RNF220: variants seen among roughly 807,000 people sequenced by gnomAD.
RNF220 encodes ring finger protein 220.
In RNF220, 7 loss-of-function variants were observed where a neutral mutation model predicts 67.1. The ratio of observed to expected loss-of-function variants is 0.10; its 90% CI spans 0.06 to 0.20. The LOEUF (loss-of-function observed/expected upper bound fraction) is 0.20. Among genes scored for constraint, RNF220 ranks in the 10% least tolerant of loss-of-function variants. RNF220 has a pLI of 1.00. For missense variants in RNF220, 565 were observed against 740.3 expected (o/e 0.76, Z 2.75); for synonymous variants, 270 against 283.2 (o/e 0.95, Z 0.47).
At position 44,589,506 on chromosome 1, in the gene RNF220, C is replaced by T. The variant is rs551149767; in HGVS notation, c.626-24659C>T. On this transcript the variant is annotated intron_variant, in intron 2 of 14. Transcript: ENST00000361799. Reference sequence around the variant, plus strand: ...ACGGGCGCCTGTAGTCCCAGCTACTCGGGAGGCTGAGGCGGGAGAATGGCG... The same window carrying T: ...ACGGGCGCCTGTAGTCCCAGCTACTTGGGAGGCTGAGGCGGGAGAATGGCG... 1.1e-4 allele frequency among the ~76,000 whole-genome samples: 17 copies of T among 150,158 alleles called. No individual in the cohort carries two copies. In the East Asian group the frequency reaches 1.2e-3, roughly 10 times the overall value.
At chr1:44,529,628 G>A (rs963678290) in intron 2 of RNF220, among the ~76,000 whole-genome samples, 1 of 151,926 alleles carries the variant, frequency 6.6e-6, no homozygotes, top group African/African-American at 2.4e-5. Context: ...CACCTGCCTG[G>A]GCCTCCCAAA....
At chr1:44,503,071 C>T (rs972566358) in intron 2 of RNF220, among the ~76,000 whole-genome samples, 2 of 152,026 alleles carry the variant, frequency 1.3e-5, no homozygotes, top group African/African-American at 4.8e-5. Flanking sequence ...CAGTGGCTCA[C>T]ACCTATAATC....
intron 2 of RNF220, among the ~76,000 whole-genome samples, chr1:44,559,878 C>A (rs1419761676): frequency 6.6e-6 from 1 of 152,248 alleles, no homozygotes; most frequent in African/African-American, 2.4e-5. Flanking sequence ...TATTTGCCCA[C>A]TCTGAAGGCA....
intron 2 of RNF220, among the ~76,000 whole-genome samples, chr1:44,598,430 G>C (rs941688808): frequency 6.6e-6 from 1 of 152,166 alleles, no homozygotes; most frequent in Non-Finnish European, 1.5e-5. Context: ...AATTCTCCAC[G>C]ACACTAAACC....
At chr1:44,449,799 G>A (rs907685976) in intron 2 of RNF220, among the ~76,000 whole-genome samples, 1 of 152,126 alleles carries the variant, frequency 6.6e-6, no homozygotes, top group Non-Finnish European at 1.5e-5. Flanking sequence ...ACATTGCTAG[G>A]TACTGAAGTC....
At chr1:44,632,159 C>T in intron 5 of RNF220, 184 bp from the exon 6 acceptor site, 2 of 1,551,182 alleles carry the variant, frequency 1.3e-6, no homozygotes, top group Non-Finnish European at 1.7e-6. Flanking sequence ...GCGGCTATGC[C>T]GAGAGCCCGG....
chr1:44,518,767 C>T (rs886727235), intron 2 of RNF220, among the ~76,000 whole-genome samples: 5 of 151,298 alleles, frequency 3.3e-5, no homozygotes, highest in South Asian at 2.1e-4. Flanking sequence ...CCCAGCTACT[C>T]GGGAGGCTGA....
At chr1:44,557,205 A>T (rs564318757) in intron 2 of RNF220, among the ~76,000 whole-genome samples, 1 of 146,854 alleles carries the variant, frequency 6.8e-6, no homozygotes, top group Non-Finnish European at 1.5e-5. Flanking sequence ...TTATATATAT[A>T]TATATAAGCT....
At chr1:44,485,143 A>G (rs1205372216) in intron 2 of RNF220, among the ~76,000 whole-genome samples, 3 of 152,234 alleles carry the variant, frequency 2.0e-5, no homozygotes, top group Non-Finnish European at 4.4e-5. Flanking sequence ...CAAAAAACAA[A>G]GAAAAGAAAA....
In RNF220 at chr1:44,447,777, G is replaced by C. The variant is rs137892518; in HGVS notation, c.625+35055G>C. 3.4e-3 allele frequency among the ~76,000 whole-genome samples: 511 copies of C among 152,260 alleles called. 1 individual carries two copies. Among genetic ancestry groups the C allele is most frequent in the African/African-American group, 0.012 (480 of 41,550 alleles). The stretch of plus-strand genomic sequence containing the variant: ...GACTTGCCCACTGCCACTCTGCTGG[G>C]ACGTGAATAATTCTATGTGTGTCCA... On this transcript the variant is annotated intron_variant, in intron 2 of 14. Transcript: ENST00000361799.
chr1:44,511,150 A>G (rs141441998), intron 2 of RNF220, among the ~76,000 whole-genome samples: 3 of 152,316 alleles, frequency 2.0e-5, no homozygotes, highest in Admixed American at 6.5e-5. Context: ...CTAGAGGGAG[A>G]ACACTAAAGA....
chr1:44,497,386 C>T (rs1328120434), intron 2 of RNF220, among the ~76,000 whole-genome samples: 1 of 151,532 alleles, frequency 6.6e-6, no homozygotes, highest in African/African-American at 2.4e-5. Flanking sequence ...TTGTTAATAC[C>T]TGGTCATTCT....
intron 2 of RNF220, among the ~76,000 whole-genome samples, chr1:44,428,514 C>A (rs1650024336): frequency 6.6e-6 from 1 of 152,104 alleles, no homozygotes; most frequent in Admixed American, 6.5e-5. Flanking sequence ...TTTGTACATT[C>A]TACAAATACT....
chr1:44,419,255 C>G (rs1197943912), intron 2 of RNF220: 2 of 152,198 alleles, frequency 1.3e-5, no homozygotes, highest in African/African-American at 4.8e-5. Flanking sequence ...TTTGTAACTT[C>G]ACATGTGTGC....
At chr1:44,512,641 C>A (rs1222986593) in intron 2 of RNF220, among the ~76,000 whole-genome samples, 1 of 152,190 alleles carries the variant, frequency 6.6e-6, no homozygotes, top group Admixed American at 6.5e-5. Context: ...GTTTCCTTTC[C>A]AGATTGCCAG....
Position 44,461,920 on chromosome 1 carries a change from C to CTTTTTT in RNF220, c.625+49201_625+49202insTTTTTT, listed in dbSNP as rs1445179984. Among the ~76,000 whole-genome samples, 191 of 118,150 alleles carry CTTTTTT rather than the reference C, an allele frequency of 1.6e-3. 5 individuals carry two copies. The highest frequency in any genetic ancestry group is 6.1e-3 in the African/African-American group (179 of 29,242). 77.5% of individuals were successfully genotyped at this position (118,150 alleles called of 152,430 possible). ...ATCATATTTTTTTCTTTTCTTTTTT[C>CTTTTTT]TTTGTTTTTTTTTTTTTTTTTTTTT... On this transcript the variant is annotated intron_variant, in intron 2 of 14. Coordinates refer to ENST00000361799, the MANE Select transcript of RNF220 (RefSeq NM_018150.4).
chr1:44,626,508 T>C, intron 5 of RNF220, 110 bp downstream of exon 5: 1 of 845,720 alleles, frequency 1.2e-6, no homozygotes, highest in South Asian at 1.5e-5. Context: ...AGGAGAGGCC[T>C]GAACTGGGTT....
At chr1:44,406,804 T>C (rs1186390380) in intron 1 of RNF220, among the ~76,000 whole-genome samples, 1 of 152,074 alleles carries the variant, frequency 6.6e-6, no homozygotes, top group Non-Finnish European at 1.5e-5. Context: ...AGAGCTTCCG[T>C]GTGGCCCCCC....
Position 44,473,202 on chromosome 1 carries a change from T to C in RNF220, c.625+60480T>C, listed in dbSNP as rs947858029. Among the ~76,000 whole-genome samples, 15 of 152,232 alleles carry C rather than the reference T, an allele frequency of 9.9e-5. No individual in the cohort carries two copies. The South Asian group carries it at 1.2e-3, about 13-fold the overall frequency. On this transcript the variant is annotated intron_variant, in intron 2 of 14. Transcript: ENST00000361799. ...GTCAGCTTCTATTGTGATTAAGTTA[T>C]AATTTAAGGCAGTGAACATGTGCTC...
Sources: gnomAD v4.1 joint callset for allele counts (sites outside exome capture counted in the v4.1 genomes callset) on GRCh38, gnomAD v4.1.1 for gene constraint, MANE v1.5 for transcripts, NCBI Gene and HGNC (gene_info 2026-07-23, HGNC 2026-07-21) for gene names.